UBASH3B: variants seen among roughly 807,000 people sequenced by gnomAD.
UBASH3B encodes the protein ubiquitin associated and SH3 domain containing B.
A neutral mutation model predicts 83.4 loss-of-function variants in UBASH3B; 37 were observed. That is an observed-to-expected ratio of 0.44 (90% confidence interval 0.34 to 0.58). The LOEUF (loss-of-function observed/expected upper bound fraction) is 0.58. Ranked by LOEUF, UBASH3B falls within the 20% of genes least tolerant of loss-of-function variation. The pLI is 0.01. For synonymous variants in UBASH3B, 304 were observed against 318.3 expected (o/e 0.96, Z 0.48); for missense variants, 657 against 827.2 (o/e 0.79, Z 2.52).
At chr11:122,773,647 G>A (rs1317223840) in intron 1 of UBASH3B, among the ~76,000 whole-genome samples, 2 of 152,104 alleles carry the variant, frequency 1.3e-5, no homozygotes, top group Non-Finnish European at 1.5e-5. Flanking sequence ...CTCAGATCTC[G>A]GCTTTTCAGA....
intron 1 of UBASH3B, among the ~76,000 whole-genome samples, chr11:122,674,438 C>T (rs35483388): frequency 0.39 from 57,843 of 147,094 alleles, 11,341 homozygotes; most frequent in African/African-American, 0.43. Flanking sequence ...TGGAGTGCAG[C>T]GGCGCGATCT....
chr11:122,757,474 C>T (rs1360183285), intron 1 of UBASH3B, among the ~76,000 whole-genome samples: 1 of 152,170 alleles, frequency 6.6e-6, no homozygotes, highest in Non-Finnish European at 1.5e-5. Flanking sequence ...GTCTATGGCA[C>T]TTTGTCGTAG....
chr11:122,731,845 C>T (rs1012533630), intron 1 of UBASH3B, among the ~76,000 whole-genome samples: 2 of 152,206 alleles, frequency 1.3e-5, no homozygotes, highest in Non-Finnish European at 2.9e-5. Context: ...TCTTGTCACA[C>T]TCACTACTGA....
chr11:122,680,410 T>G (rs1863723060), intron 1 of UBASH3B, among the ~76,000 whole-genome samples: 1 of 152,220 alleles, frequency 6.6e-6, no homozygotes, highest in African/African-American at 2.4e-5. Context: ...TAGCACAGCT[T>G]GTTACTGGTT....
intron 1 of UBASH3B, among the ~76,000 whole-genome samples, chr11:122,710,112 T>A (rs1335556693): frequency 7.4e-6 from 1 of 134,608 alleles, no homozygotes; most frequent in Non-Finnish European, 1.5e-5. Flanking sequence ...GCCGAGGTCA[T>A]ACCACTGCAC....
chr11:122,765,826 G>T (rs1860526376), intron 1 of UBASH3B, among the ~76,000 whole-genome samples: 1 of 152,180 alleles, frequency 6.6e-6, no homozygotes, highest in Admixed American at 6.5e-5. Context: ...GGCTATGATT[G>T]TGGCTTTAGT....
Position 122,725,342 on chromosome 11 carries a change from A to AAACAAAAG in UBASH3B, c.162-50875_162-50874insCAAAAGAA, listed in dbSNP as rs71281633. On this transcript the variant is annotated intron_variant, in intron 1 of 13. Coordinates refer to ENST00000284273, the MANE Select transcript of UBASH3B (RefSeq NM_032873.5). ...AGCACCATAAACAAAAAAAAAAAAA[A>AAACAAAAG]AAGAAAAGAAAAGAAACAAACTCAA... Among the ~76,000 whole-genome samples the AAACAAAAG allele has an allele frequency of 1.5e-5, 2 of 130,780 alleles. 1 individual carries two copies. The highest frequency in any genetic ancestry group is 7.8e-3 in the Middle Eastern group (2 of 258). 85.8% of individuals were successfully genotyped at this position (130,780 alleles called of 152,430 possible).
At chr11:122,782,884 T>TC (rs374332005) in intron 4 of UBASH3B, 169 bp from the exon 5 acceptor site, 1 of 749,616 alleles carries the variant, frequency 1.3e-6, no homozygotes, top group South Asian at 1.9e-5. Flanking sequence ...TCTCTTGCCA[T>TC]CCCCTTACCC....
At chr11:122,686,149 T>C (rs1415058462) in intron 1 of UBASH3B, among the ~76,000 whole-genome samples, 1 of 152,220 alleles carries the variant, frequency 6.6e-6, no homozygotes, top group Non-Finnish European at 1.5e-5. Flanking sequence ...ATCTCAACTA[T>C]GGCCTTAAGT....
intron 1 of UBASH3B, among the ~76,000 whole-genome samples, chr11:122,702,324 T>A (rs1404301420): frequency 6.6e-6 from 1 of 152,108 alleles, no homozygotes; most frequent in East Asian, 1.9e-4. Flanking sequence ...AAAATAAAGA[T>A]CTTTTTAAAG....
In UBASH3B at chr11:122,811,421, A is replaced by G. The variant is rs1861447031; in HGVS notation, c.*1535A>G. ...TGCTTGCGTTTGAAACTACAACTTG[A>G]TAACCCCTAGAAAGAAGAGGACATG... is the stretch of plus-strand genomic sequence containing the variant. On this transcript the variant is annotated 3_prime_UTR_variant, in exon 14 of 14. Coordinates refer to ENST00000284273, the MANE Select transcript of UBASH3B (RefSeq NM_032873.5). 1.3e-5 allele frequency: 2 copies of G among 152,234 alleles called. No homozygotes were observed. The highest frequency in any genetic ancestry group is 4.8e-5 in the African/African-American group (2 of 41,462). 9.4% of individuals were successfully genotyped at this position (152,234 alleles called of 1,614,324 possible). A position where few individuals can be genotyped will look rare whatever the true frequency, so the allele number is the denominator to read the frequency against.
At chr11:122,748,681 A>C (rs933791342) in intron 1 of UBASH3B, among the ~76,000 whole-genome samples, 1 of 152,172 alleles carries the variant, frequency 6.6e-6, no homozygotes. Flanking sequence ...AACAAGACAC[A>C]AGAGCTCTGT....
chr11:122,713,056 C>T (rs1045492801), intron 1 of UBASH3B, among the ~76,000 whole-genome samples: 79 of 151,742 alleles, frequency 5.2e-4, no homozygotes, highest in Middle Eastern at 3.4e-3. Flanking sequence ...TACAGGCACC[C>T]GCCACCACGC....
chr11:122,681,326 G>C (rs2135909303), intron 1 of UBASH3B, among the ~76,000 whole-genome samples: 1 of 152,226 alleles, frequency 6.6e-6, no homozygotes, highest in Non-Finnish European at 1.5e-5. Flanking sequence ...CCCAACTCTG[G>C]CCCTATTTCT....
intron 1 of UBASH3B, among the ~76,000 whole-genome samples, chr11:122,746,513 G>A (rs1861120883): frequency 6.6e-6 from 1 of 152,180 alleles, no homozygotes. Flanking sequence ...ACTATGTGCT[G>A]GGCTTTGTGC....
rs186988110 is a variant in UBASH3B, at chr11:122,749,763, C to T, written c.162-26456C>T. On this transcript the variant is annotated intron_variant, in intron 1 of 13. Coordinates refer to ENST00000284273, the MANE Select transcript of UBASH3B (RefSeq NM_032873.5). ...TTTATTTTATTTTAAGACAGAGTCT[C>T]GCTCTGTCCCCCAGGCTGCAATGCA... Among the ~76,000 whole-genome samples, 268 of 152,286 alleles carry T rather than the reference C, an allele frequency of 1.8e-3. 1 individual carries two copies. Among genetic ancestry groups the T allele is most frequent in the Non-Finnish European group, 2.7e-3 (185 of 68,018 alleles).
rs1023415876 is a variant in UBASH3B at position 122,813,508 on chromosome 11, A to C, written c.*3622A>C. On this transcript the variant is annotated 3_prime_UTR_variant, in exon 14 of 14. Transcript: ENST00000284273. ...TAGAATACAGATGAACCTCCGTTTG[A>C]TTTCACAGCCTTCAGCACAGGCAAC... The C allele has an allele frequency of 6.6e-6, 1 of 152,218 alleles. No individual in the cohort carries two copies. The highest frequency in any genetic ancestry group is 1.5e-5 in the Non-Finnish European group (1 of 68,042). The allele number at this position is 152,218 out of a possible 1,614,324, so 9.4% of individuals were successfully genotyped here. A position where few individuals can be genotyped will look rare whatever the true frequency, so the allele number is the denominator to read the frequency against.
Position 122,796,897 on chromosome 11 carries a change from T to C in UBASH3B, c.1235-14T>C, listed in dbSNP as rs774711617. The C allele has an allele frequency of 6.2e-7, 1 of 1,614,102 alleles. No individual in the cohort carries two copies. The highest frequency in any genetic ancestry group is 1.1e-5 in the South Asian group (1 of 91,076). ...AAATGTATGTATCCTCTGTCTAACC[T>C]CTTTGTTTTTCAGGCCGCTACATAC... is the stretch of plus-strand genomic sequence containing the variant. On this transcript the variant is annotated splice_polypyrimidine_tract_variant and intron_variant, in intron 8 of 13. Transcript: ENST00000284273.
intron 1 of UBASH3B, among the ~76,000 whole-genome samples, chr11:122,744,873 C>CTGTGTGTGTGTGTGTGTGTGTGTG (rs544992534): frequency 0.017 from 2,401 of 139,008 alleles, 25 homozygotes; most frequent in Non-Finnish European, 0.02. Flanking sequence ...ATGTGTGACT[C>CTGTGTGTGTGTGTGTGTGTGTGTG]TGTGTGTGTG....
Sources: allele counts gnomAD v4.1 joint callset (sites outside exome capture counted in the v4.1 genomes callset), GRCh38; gene constraint gnomAD v4.1.1; transcripts MANE v1.5; gene names NCBI Gene and HGNC (gene_info 2026-07-23, HGNC 2026-07-21).